Variants in SLC7A7 observed in about 807,000 individuals in gnomAD.
SLC7A7 encodes Y+L amino acid transporter 1.
A neutral mutation model predicts 47.9 loss-of-function variants in SLC7A7; 39 were observed. That is an observed-to-expected ratio of 0.81 (90% CI 0.63 to 1.06). The LOEUF is 1.06. SLC7A7 is among the 50% of genes least tolerant of loss of function. The pLI, the probability that SLC7A7 is intolerant of heterozygous loss-of-function variation, is 0.00. For missense variants in SLC7A7, 588 were observed against 632.0 expected (o/e 0.93, Z 0.75); for synonymous variants, 234 against 242.8 (o/e 0.96, Z 0.34).
At chr14:22,795,252 T>A (rs1432576935) in intron 2 of SLC7A7, among the ~76,000 whole-genome samples, 1 of 148,410 alleles carries the variant, frequency 6.7e-6, no homozygotes, top group Non-Finnish European at 1.5e-5. Flanking sequence ...AATTAATTTT[T>A]TTTTTTTTTT....
intron 4 of SLC7A7, among the ~76,000 whole-genome samples, chr14:22,777,460 C>A (rs752315275): frequency 2.6e-5 from 4 of 152,122 alleles, no homozygotes; most frequent in African/African-American, 9.7e-5. Flanking sequence ...AGTTTGAGAA[C>A]CTCAGGAGCC....
At chr14:22,809,229 G>A (rs1281315615) in intron 2 of SLC7A7, among the ~76,000 whole-genome samples, 1 of 152,200 alleles carries the variant, frequency 6.6e-6, no homozygotes, top group African/African-American at 2.4e-5. Context: ...GCCCAGGCTG[G>A]AGTGCAGTAG....
Position 22,813,039 on chromosome 14 carries a change from G to T in SLC7A7, c.360C>A (p.Leu120=), listed in dbSNP as rs1474719843. 30 of 1,613,962 alleles carry T rather than the reference G, an allele frequency of 1.9e-5. No homozygotes were observed. Among genetic ancestry groups the T allele is most frequent in the Non-Finnish European group, 2.3e-5 (27 of 1,180,024 alleles). Residue 120 remains leucine (L), a synonymous_variant, in exon 2 of 10, where the codon CTC becomes CTA. Coordinates refer to ENST00000674313, the MANE Select transcript of SLC7A7 (RefSeq NM_003982.4). Reference sequence around the variant, plus strand: ...GCTCAATGATGAGCAGGGAGGTCCAGAGTCTGATGAAAGCAAGGAATCCTC... The same window carrying T: ...GCTCAATGATGAGCAGGGAGGTCCATAGTCTGATGAAAGCAAGGAATCCTC... ...AFGGFLAFIR[L]WTSLLIIEPT... is the part of the protein sequence containing the mutation.
intron 2 of SLC7A7, among the ~76,000 whole-genome samples, chr14:22,790,471 T>G (rs946523133): frequency 2.6e-5 from 4 of 152,062 alleles, no homozygotes; most frequent in African/African-American, 9.7e-5. Context: ...CTTGGTGTAC[T>G]GAAATTTCCC....
rs1022986147 is a variant in SLC7A7, at chr14:22,773,412, C to T, written c.*198G>A. 2 of 667,794 alleles carry T rather than the reference C, an allele frequency of 3.0e-6. No individual in the cohort carries two copies. The highest frequency in any genetic ancestry group is 1.8e-5 in the African/African-American group (1 of 56,500). The allele number at this position is 667,794 out of a possible 1,614,324, so 41.4% of individuals were successfully genotyped here. A position where few individuals can be genotyped will look rare whatever the true frequency, so the allele number is the denominator to read the frequency against. On this transcript the variant is annotated 3_prime_UTR_variant, in exon 10 of 10. Transcript: ENST00000674313. Reference sequence around the variant, plus strand: ...TCCCCACAGTCACCTTCATTGTCCCCTTTAAAAGTCTGGAACAGTATGTAG... The same window carrying T: ...TCCCCACAGTCACCTTCATTGTCCCTTTTAAAAGTCTGGAACAGTATGTAG...
At chr14:22,815,282 G>A (rs780827792) in intron 1 of SLC7A7, 38 bp downstream of exon 1, 5 of 440,924 alleles carry the variant, frequency 1.1e-5, no homozygotes, top group African/African-American at 2.0e-5. Context: ...GGTTAGCAAG[G>A]TAAGTGGAGA....
At chr14:22,795,632 A>G (rs2039009755) in intron 2 of SLC7A7, among the ~76,000 whole-genome samples, 1 of 151,578 alleles carries the variant, frequency 6.6e-6, no homozygotes, top group Admixed American at 6.6e-5. Context: ...CTGCCACCAC[A>G]CCCAGCTAAT....
rs770270191 is a variant in SLC7A7 at position 22,813,350 on chromosome 14, T to C, written c.49A>G (p.Thr17Ala). 3.2e-5 allele frequency: 52 copies of C among 1,613,608 alleles called. No homozygotes were observed. The highest frequency in any genetic ancestry group is 3.7e-5 in the Non-Finnish European group (44 of 1,179,996). ...YEVASQPEVETSPLGDGASPG... is the reference protein window; with the variant it reads ...YEVASQPEVEASPLGDGASPG... Reference sequence around the variant, plus strand: ...CTGGCCCCATCACCCAAAGGGGAGGTTTCCACCTCAGGCTGGGAGGCCACT... The same window carrying C: ...CTGGCCCCATCACCCAAAGGGGAGGCTTCCACCTCAGGCTGGGAGGCCACT... The change falls in exon 2 of 10, where the codon ACC becomes GCC. Residue 17 changes from threonine to alanine, a missense_variant. Transcript: ENST00000674313.
intron 7 of SLC7A7, among the ~76,000 whole-genome samples, chr14:22,775,121 C>A (rs554527261): frequency 2.0e-5 from 3 of 151,494 alleles, no homozygotes; most frequent in South Asian, 2.1e-4. Flanking sequence ...AGATGTAATT[C>A]TTCACCCTCT....
chr14:22,782,441 C>CTTATGTAT (rs2038735971), intron 2 of SLC7A7, among the ~76,000 whole-genome samples: 1 of 148,464 alleles, frequency 6.7e-6, no homozygotes, highest in Admixed American at 6.8e-5. Context: ...TATTTATTGA[C>CTTATGTAT]TTATTTATTT....
chr14:22,807,258 T>C (rs958413670), intron 2 of SLC7A7, among the ~76,000 whole-genome samples: 6 of 152,170 alleles, frequency 3.9e-5, no homozygotes, highest in Non-Finnish European at 7.3e-5. Context: ...AGTGCAGATA[T>C]TCATCACCCT....
chr14:22,779,848 G>A (rs1387858921), intron 3 of SLC7A7, 78 bp downstream of exon 3: 2 of 1,293,184 alleles, frequency 1.5e-6, no homozygotes, highest in Non-Finnish European at 1.1e-6. Flanking sequence ...ATGAGATAAT[G>A]CACAAAGAGC....
At chr14:22,795,374 A>ATTGC (rs200893526) in intron 2 of SLC7A7, among the ~76,000 whole-genome samples, 4 of 11,440 alleles carry the variant, frequency 3.5e-4, no homozygotes, top group Admixed American at 1.5e-3. Context: ...CAATCTGAGT[A>ATTGC]TTGCTTGCTT....
At chr14:22,779,805 A>T in intron 3 of SLC7A7, 121 bp downstream of exon 3, 1 of 956,508 alleles carries the variant, frequency 1.0e-6, no homozygotes, top group Non-Finnish European at 1.6e-6. Flanking sequence ...TGAGAATAAT[A>T]ATAGTGCCCA....
intron 2 of SLC7A7, among the ~76,000 whole-genome samples, chr14:22,786,531 C>T (rs4981440): frequency 9.2e-5 from 14 of 151,982 alleles, no homozygotes; most frequent in African/African-American, 9.7e-5. Flanking sequence ...AACTCCAGAC[C>T]GTGTTGCCGA....
At chr14:22,797,983 G>A (rs2039046695) in intron 2 of SLC7A7, among the ~76,000 whole-genome samples, 1 of 151,718 alleles carries the variant, frequency 6.6e-6, no homozygotes, top group Non-Finnish European at 1.5e-5. Context: ...CTATGAGGTA[G>A]GGACCCCATT....
intron 2 of SLC7A7, among the ~76,000 whole-genome samples, chr14:22,805,842 A>G (rs1332311121): frequency 6.6e-6 from 1 of 152,186 alleles, no homozygotes; most frequent in Non-Finnish European, 1.5e-5. Context: ...GCTCATCAAT[A>G]AACTGTACAT....
chr14:22,797,566 C>G (rs1271909330), intron 2 of SLC7A7, among the ~76,000 whole-genome samples: 2 of 152,130 alleles, frequency 1.3e-5, no homozygotes, highest in Non-Finnish European at 2.9e-5. Context: ...TGAGAGGCAA[C>G]CTATCTACCC....
At chr14:22,800,771 T>A (rs1236003768) in intron 2 of SLC7A7, among the ~76,000 whole-genome samples, 1 of 152,076 alleles carries the variant, frequency 6.6e-6, no homozygotes, top group Non-Finnish European at 1.5e-5. Context: ...AAACCCCGTC[T>A]CTACTAAAAA....
Sources: gnomAD v4.1 joint callset for allele counts (sites outside exome capture counted in the v4.1 genomes callset) on GRCh38, gnomAD v4.1.1 for gene constraint, MANE v1.5 for transcripts, NCBI Gene and HGNC (gene_info 2026-07-23, HGNC 2026-07-21) for gene names.